SHISA9: variants seen among roughly 807,000 people sequenced by gnomAD.
SHISA9 encodes the protein protein shisa-9.
Under a neutral mutation model 38.0 loss-of-function variants are expected in SHISA9, and 13 were observed. That is an observed-to-expected ratio of 0.34 (90% CI 0.22 to 0.54). SHISA9 has a LOEUF of 0.54. Among genes scored for constraint, SHISA9 ranks in the 20% least tolerant of loss-of-function variants. The pLI is 0.91. For synonymous variants in SHISA9, 275 were observed against 242.0 expected (o/e 1.14, Z -1.27); for missense variants, 538 against 575.8 (o/e 0.93, Z 0.67).
At chr16:13,213,772 G>A (rs937720338) in intron 4 of SHISA9, among the ~76,000 whole-genome samples, 2 of 152,162 alleles carry the variant, frequency 1.3e-5, no homozygotes, top group African/African-American at 4.8e-5. Context: ...CTGGGACAGC[G>A]TGGTGAGCAG....
At chr16:13,495,166 A>G in the SHISA9 span, among the ~76,000 whole-genome samples, 2 of 152,218 alleles carry the variant, frequency 1.3e-5, no homozygotes, top group African/African-American at 2.4e-5. Context: ...ATGAATCTCT[A>G]TATGGGATAA....
At chr16:12,968,973 G>A (rs1190213424) in intron 2 of SHISA9, among the ~76,000 whole-genome samples, 1 of 151,910 alleles carries the variant, frequency 6.6e-6, no homozygotes, top group East Asian at 1.9e-4. Flanking sequence ...TGGCCAACAT[G>A]GTGAAACCCC....
chr16:13,185,421 G>A (rs2050812327), intron 2 of SHISA9, among the ~76,000 whole-genome samples: 1 of 152,024 alleles, frequency 6.6e-6, no homozygotes, highest in African/African-American at 2.4e-5. Context: ...CTAGGATGGT[G>A]TTGAACTCTT....
At chr16:13,363,461 A>G in the SHISA9 span, among the ~76,000 whole-genome samples, 3 of 152,210 alleles carry the variant, frequency 2.0e-5, no homozygotes, top group South Asian at 6.2e-4. Flanking sequence ...GGTGGCAAGG[A>G]TAGGGAGGTG....
At chr16:13,036,437 C>T (rs947754427) in intron 2 of SHISA9, among the ~76,000 whole-genome samples, 1 of 151,756 alleles carries the variant, frequency 6.6e-6, no homozygotes, top group Non-Finnish European at 1.5e-5. Flanking sequence ...ATCTAGTGTC[C>T]GAAGGCTAAA....
At chr16:13,174,268 A>G (rs1306443499) in intron 2 of SHISA9, among the ~76,000 whole-genome samples, 1 of 152,108 alleles carries the variant, frequency 6.6e-6, no homozygotes, top group Non-Finnish European at 1.5e-5. Flanking sequence ...TTGTTTACCC[A>G]ACAAAAACAT....
chr16:13,410,753 T>A, the SHISA9 span, among the ~76,000 whole-genome samples: 2 of 152,204 alleles, frequency 1.3e-5, no homozygotes, highest in Non-Finnish European at 2.9e-5. Context: ...AGATCACTTG[T>A]TTGCTCAAAG....
At chr16:13,165,718 G>A (rs531875341) in intron 2 of SHISA9, among the ~76,000 whole-genome samples, 1 of 152,306 alleles carries the variant, frequency 6.6e-6, no homozygotes, top group East Asian at 1.9e-4. Context: ...ACAGTCAGCA[G>A]GTTAGACACA....
the SHISA9 span, among the ~76,000 whole-genome samples, chr16:13,256,211 G>A: frequency 1.3e-5 from 2 of 152,106 alleles, no homozygotes; most frequent in Non-Finnish European, 2.9e-5. Flanking sequence ...TCCCAGCCTC[G>A]ATTAGGTGCT....
At chr16:13,299,796 C>G in the SHISA9 span, among the ~76,000 whole-genome samples, 23 of 152,164 alleles carry the variant, frequency 1.5e-4, no homozygotes, top group African/African-American at 5.5e-4. Context: ...ATAAACAGAT[C>G]TCTGTTCAAA....
intron 2 of SHISA9, among the ~76,000 whole-genome samples, chr16:12,979,302 GT>G (rs768023707): frequency 1.9e-3 from 277 of 142,964 alleles, no homozygotes; most frequent in Non-Finnish European, 2.1e-3. Context: ...TGGTGCTGAA[GT>G]TTTTTTTTTT....
At chr16:13,550,346 A>G in the SHISA9 span, among the ~76,000 whole-genome samples, 5 of 152,220 alleles carry the variant, frequency 3.3e-5, no homozygotes, top group Non-Finnish European at 7.3e-5. Context: ...AAACTAGATG[A>G]TGCGTAAGTG....
At chr16:12,924,463 T>C (rs12922646) in intron 2 of SHISA9, among the ~76,000 whole-genome samples, 39,193 of 151,984 alleles carry the variant, frequency 0.26, 5,681 homozygotes, top group Middle Eastern at 0.35. Context: ...TGTGAAGGTT[T>C]GATTCTTTTC....
chr16:13,197,145 G>GTATATA (rs377723168), intron 2 of SHISA9, among the ~76,000 whole-genome samples: 20 of 119,782 alleles, frequency 1.7e-4, no homozygotes, highest in African/African-American at 5.3e-4. Flanking sequence ...ACATATATGT[G>GTATATA]TATATATATA....
intron 2 of SHISA9, among the ~76,000 whole-genome samples, chr16:13,092,947 A>G (rs1596643261): frequency 1.3e-5 from 2 of 152,210 alleles, no homozygotes; most frequent in South Asian, 2.1e-4. Context: ...CTATTCGGCC[A>G]TCTTGGAAAG....
chr16:13,399,385 T>C, the SHISA9 span, among the ~76,000 whole-genome samples: 1 of 152,314 alleles, frequency 6.6e-6, no homozygotes, highest in East Asian at 1.9e-4. Flanking sequence ...TTACCTGATT[T>C]AACCACAAAT....
chr16:13,305,482 G>C, the SHISA9 span, among the ~76,000 whole-genome samples: 1 of 152,164 alleles, frequency 6.6e-6, no homozygotes, highest in African/African-American at 2.4e-5. Context: ...TGGGCTACAA[G>C]GACTCTGGTT....
the SHISA9 span, among the ~76,000 whole-genome samples, chr16:13,500,799 G>A: frequency 5.3e-5 from 8 of 152,154 alleles, no homozygotes; most frequent in Non-Finnish European, 1.2e-4. Context: ...AGGGAGAAAG[G>A]AAGCTTATTG....
At chr16:13,344,353 TG>T in the SHISA9 span, among the ~76,000 whole-genome samples, 1 of 152,158 alleles carries the variant, frequency 6.6e-6, no homozygotes, top group Admixed American at 6.5e-5. Context: ...TGTATAGGAA[TG>T]GGGGGTGGAA....
Sources: gnomAD v4.1 joint callset for allele counts (sites outside exome capture counted in the v4.1 genomes callset) on GRCh38, gnomAD v4.1.1 for gene constraint, MANE v1.5 for transcripts, NCBI Gene and HGNC (gene_info 2026-07-23, HGNC 2026-07-21) for gene names.